AHNAK: variants seen among roughly 807,000 people sequenced by gnomAD.
AHNAK encodes neuroblast differentiation-associated protein AHNAK.
Under a neutral mutation model 37.8 loss-of-function variants are expected in AHNAK, and 23 were observed. That is an observed-to-expected ratio of 0.61 (90% CI 0.44 to 0.86). The LOEUF (loss-of-function observed/expected upper bound fraction) is 0.86, where lower values mean the gene tolerates loss of function less well. Ranked by LOEUF, AHNAK falls within the 40% of genes least tolerant of loss-of-function variation. AHNAK has a pLI of 0.00. For synonymous variants in AHNAK, 2,481 were observed against 2,636.3 expected (o/e 0.94, Z 1.80); for missense variants, 7,411 against 7,319.4 (o/e 1.01, Z -0.46).
At chr11:62,481,103 GGT>G (rs1565208829) in intron 5 of AHNAK, among the ~76,000 whole-genome samples, 1 of 41,822 alleles carries the variant, frequency 2.4e-5, no homozygotes, top group East Asian at 5.7e-4. Flanking sequence ...TTTTTTTTTT[GGT>G]TTTTTTTTTG....
rs1400627922 is a variant in AHNAK, at chr11:62,531,950, C to T, written c.2467G>A (p.Val823Met). The change falls in exon 5 of 5, where the codon GTG becomes ATG. Residue 823 changes from valine to methionine, a missense_variant. By Grantham distance (21) the Val-to-Met change is conservative. Coordinates refer to ENST00000378024, the MANE Select transcript of AHNAK (RefSeq NM_001620.3). ...IKVPKISMPD[V>M]DLHLKGPNVK... ...TTAGGGCCTTTCAGATGTAAGTCCA[C>T]ATCAGGCATGGAGATCTTGGGGACT... is the stretch of plus-strand genomic sequence containing the variant. The T allele has an allele frequency of 2.5e-6, 4 of 1,614,168 alleles. No homozygotes were observed. The highest frequency in any genetic ancestry group is 1.7e-5 in the Admixed American group (1 of 60,016).
chr11:62,479,886 A>G lies in AHNAK; in HGVS notation c.442+11846T>C, dbSNP rs952082842. Reference sequence around the variant, plus strand: ...CAAAGTGGCTTTAGGGAATATTCATATCTTGACTGTTTTTCACTTCAATAA... The same window carrying G: ...CAAAGTGGCTTTAGGGAATATTCATGTCTTGACTGTTTTTCACTTCAATAA... On this transcript the variant is annotated intron_variant, in intron 5 of 5. Coordinates refer to the AHNAK transcript ENST00000257247. Among the ~76,000 whole-genome samples the G allele has an allele frequency of 3.9e-5, 6 of 152,326 alleles. No individual in the cohort carries two copies. The East Asian group carries it at 1.2e-3, about 29-fold the overall frequency.
At position 62,519,295 on chromosome 11, in the gene AHNAK, C is replaced by G. The variant is rs747158085; in HGVS notation, c.15122G>C (p.Gly5041Ala). 1 of 1,614,110 alleles carries G rather than the reference C, an allele frequency of 6.2e-7. No individual in the cohort carries two copies. Among genetic ancestry groups the G allele is most frequent in the South Asian group, 1.1e-5 (1 of 91,078 alleles). ...ACCCCCAGGAACATTCAGGTCAAAT[C>G]CCTGTTTTTTGGCCTTAATCTTAGG... The part of the protein sequence containing the change: ...SGPKIKAKKQ[G>A]FDLNVPGGEI... The change falls in exon 5 of 5, where the codon GGA (glycine) becomes GCA (alanine). Residue 5041 changes from glycine (G) to alanine (A), a missense_variant. By Grantham distance (60) the Gly-to-Ala change is moderately conservative. Coordinates refer to ENST00000378024, the MANE Select transcript of AHNAK (RefSeq NM_001620.3).
In AHNAK at chr11:62,518,024, G is replaced by A. The variant is rs373415392; in HGVS notation, c.16393C>T (p.Leu5465Phe). The A allele has an allele frequency of 4.4e-5, 71 of 1,614,180 alleles. 1 individual carries two copies. In the African/African-American group the frequency reaches 8.9e-4, roughly 20 times the overall value. The change falls in exon 5 of 5, where the codon CTT becomes TTT. Residue 5465 changes from leucine to phenylalanine, a missense_variant. Leu to Phe is a conservative substitution (Grantham distance 22). Transcript: ENST00000378024. Reference sequence around the variant, plus strand: ...CCTTTGATCTCACCAGTGGCCCCAAGGCTCCCTTTCACTTTTGGTCCTTCC... The same window carrying A: ...CCTTTGATCTCACCAGTGGCCCCAAAGCTCCCTTTCACTTTTGGTCCTTCC... ...NLEGPKVKGS[L>F]GATGEIKGPT...
Position 62,523,190 on chromosome 11 carries a change from G to A in AHNAK, c.11227C>T (p.Pro3743Ser). 5 of 1,613,940 alleles carry A rather than the reference G, an allele frequency of 3.1e-6. No individual in the cohort carries two copies. The South Asian group carries it at 4.4e-5, about 14-fold the overall frequency. ...FKIPEMHLKA[P>S]KISMPDIDLN... ...TCAATGTCAGGCATCGATATTTTGG[G>A]AGCCTTCAGGTGCATCTCTGGTATC... Residue 3743 changes from proline to serine, a missense_variant, in exon 5 of 5, where the codon CCC (proline) becomes TCC (serine). Transcript: ENST00000378024.
rs1940169743 is a variant in AHNAK, at chr11:62,519,951, A to G, written c.14466T>C (p.Asp4822=). ...SGPKVDVDIP[D]VNIEGPDAKL... ...TTGCGTCTGGACCTTCGATATTCAC[A>G]TCTGGAATATCAACGTCCACCTTGG... Residue 4822 remains aspartate, a synonymous_variant, in exon 5 of 5, where the codon GAT becomes GAC. Coordinates refer to ENST00000378024, the MANE Select transcript of AHNAK (RefSeq NM_001620.3). 1 of 1,613,222 alleles carries G rather than the reference A, an allele frequency of 6.2e-7. No homozygotes were observed. The highest frequency in any genetic ancestry group is 1.1e-5 in the South Asian group (1 of 91,056).
At position 62,533,872 on chromosome 11, in the gene AHNAK, A is replaced by G. The variant is rs1444470052; in HGVS notation, c.545T>C (p.Ile182Thr). 1.9e-6 allele frequency: 3 copies of G among 1,614,112 alleles called. No individual in the cohort carries two copies. In the South Asian group the frequency reaches 3.3e-5, roughly 18 times the overall value. ...DIDISSPEFK[I>T]KIPRHELTEI... ...AGTCAGTTCATGTCTTGGAATCTTG[A>G]TCTTGAATTCAGGGCTACTGATGTC... The change falls in exon 5 of 5, where the codon ATC becomes ACC. Residue 182 changes from isoleucine to threonine, a missense_variant. Transcript: ENST00000378024.
rs1242482913 is a variant in AHNAK, at chr11:62,533,008, C to G, written c.1409G>C (p.Ser470Thr). The G allele has an allele frequency of 6.2e-6, 10 of 1,614,156 alleles. No individual in the cohort carries two copies. Among genetic ancestry groups the G allele is most frequent in the African/African-American group, 1.3e-5 (1 of 75,048 alleles). Residue 470 changes from serine (S) to threonine (T), a missense_variant, in exon 5 of 5, where the codon AGC becomes ACC. Coordinates refer to ENST00000378024, the MANE Select transcript of AHNAK (RefSeq NM_001620.3). ...VTVPGVSGDV[S>T]LPEIATGGLE... is the part of the protein sequence containing the mutation. ...CCCACCAGTAGCAATCTCAGGCAGG[C>G]TGACATCCCCAGAGACCCCAGGAAC...
Position 62,517,812 on chromosome 11 carries a change from A to T in AHNAK, c.16605T>A (p.His5535Gln). The change falls in exon 5 of 5, where the codon CAT becomes CAA. Residue 5535 changes from histidine (H) to glutamine (Q), a missense_variant. By Grantham distance (24) the His-to-Gln change is conservative. Transcript: ENST00000378024. ...TCACACTGATATCAGGAGCAGCCCC[A>T]TGGAAACCTACTTCTGAACCTTTCA... ...GGLKGSEVGF[H>Q]GAAPDISVKG... 1 of 1,614,204 alleles carries T rather than the reference A, an allele frequency of 6.2e-7. No homozygotes were observed. The highest frequency in any genetic ancestry group is 8.5e-7 in the Non-Finnish European group (1 of 1,180,046).
Position 62,518,422 on chromosome 11 carries a change from C to G in AHNAK, c.15995G>C (p.Ser5332Thr). Residue 5332 changes from serine to threonine, a missense_variant, in exon 5 of 5, where the codon AGT becomes ACT. Coordinates refer to ENST00000378024, the MANE Select transcript of AHNAK (RefSeq NM_001620.3). ...CACCTGCATTTTGCCACCGACACCA[C>G]TGAGGTTGAGCCCTGGAGCATGCAC... ...MKVHAPGLNLSGVGGKMQVGG... is the reference protein window; with the variant it reads ...MKVHAPGLNLTGVGGKMQVGG... The G allele has an allele frequency of 6.2e-7, 1 of 1,614,170 alleles. No homozygotes were observed. Among genetic ancestry groups the G allele is most frequent in the Non-Finnish European group, 8.5e-7 (1 of 1,180,026 alleles).
At chr11:62,542,990 C>T (rs1941182773) in intron 1 of AHNAK, among the ~76,000 whole-genome samples, 1 of 152,168 alleles carries the variant, frequency 6.6e-6, no homozygotes, top group South Asian at 2.1e-4. Flanking sequence ...CGCTCCGGCT[C>T]TGTCGCTGAA....
In AHNAK at chr11:62,516,682, C is replaced by T. The variant is rs1243809580; in HGVS notation, c.*62G>A. 2 of 1,522,488 alleles carry T rather than the reference C, an allele frequency of 1.3e-6. No homozygotes were observed. Among genetic ancestry groups the T allele is most frequent in the Non-Finnish European group, 1.8e-6 (2 of 1,140,594 alleles). The allele number at this position is 1,522,488 out of a possible 1,614,324, so 94.3% of individuals were successfully genotyped here. ...TTTCCCTTTGGAGTTTATATAGGAA[C>T]ACACCACCCAAGGCTGATGTTTTGT... On this transcript the variant is annotated 3_prime_UTR_variant, in exon 5 of 5. Transcript: ENST00000378024.
chr11:62,509,130 A>G (rs2134181295), intron 4 of AHNAK, among the ~76,000 whole-genome samples: 1 of 152,284 alleles, frequency 6.6e-6, no homozygotes, highest in African/African-American at 2.4e-5. Context: ...TCCTGCCCCA[A>G]AATGTATAAC....
intron 5 of AHNAK, among the ~76,000 whole-genome samples, chr11:62,460,022 G>A (rs935600974): frequency 6.6e-6 from 1 of 152,000 alleles, no homozygotes; most frequent in African/African-American, 2.4e-5. Flanking sequence ...GGAGGCTGAG[G>A]CAGGAGAATC....
In AHNAK at chr11:62,520,476, G is replaced by C; in HGVS notation, c.13941C>G (p.Asp4647Glu). 1.2e-6 allele frequency: 2 copies of C among 1,614,134 alleles called. No individual in the cohort carries two copies. Among genetic ancestry groups the C allele is most frequent in the Non-Finnish European group, 1.7e-6 (2 of 1,180,028 alleles). The stretch of plus-strand genomic sequence containing the variant: ...TCACTTTGGGCATTTTTAGGTGCCA[G>C]TCTGGGCCTTGAACGTCCACATCTG... ...DVPDVDVQGPDWHLKMPKVKM... is the reference protein window; with the variant it reads ...DVPDVDVQGPEWHLKMPKVKM... The change falls in exon 5 of 5, where the codon GAC becomes GAG. Residue 4647 changes from aspartate to glutamate, a missense_variant. Transcript: ENST00000378024.
In AHNAK at chr11:62,531,637, C is replaced by T; in HGVS notation, c.2780G>A (p.Gly927Glu). The T allele has an allele frequency of 6.2e-7, 1 of 1,613,310 alleles. No individual in the cohort carries two copies. The highest frequency in any genetic ancestry group is 8.5e-7 in the Non-Finnish European group (1 of 1,179,834). ...CTTGAACTTGGGGCCCTTCAGCTTT[C>T]CTTCAGGTCCTTCAATATTCACATC... ...VPDVNIEGPE[G>E]KLKGPKFKMP... Residue 927 changes from glycine to glutamate, a missense_variant, in exon 5 of 5, where the codon GGA becomes GAA. Physicochemically the swap from Gly to Glu is moderately conservative, Grantham distance 98 (BLOSUM62 -2). Transcript: ENST00000378024.
intron 5 of AHNAK, among the ~76,000 whole-genome samples, chr11:62,476,753 A>G (rs1939155058): frequency 1.3e-5 from 2 of 152,166 alleles, no homozygotes; most frequent in African/African-American, 4.8e-5. Context: ...ACAACTGTCG[A>G]TGACCGGTGG....
At position 62,521,081 on chromosome 11, in the gene AHNAK, T is replaced by C; in HGVS notation, c.13336A>G (p.Lys4446Glu). 1 of 1,614,054 alleles carries C rather than the reference T, an allele frequency of 6.2e-7. No individual in the cohort carries two copies. Among genetic ancestry groups the C allele is most frequent in the Non-Finnish European group, 8.5e-7 (1 of 1,180,000 alleles). Residue 4446 changes from lysine (K) to glutamate (E), a missense_variant, in exon 5 of 5, where the codon AAA becomes GAA. Physicochemically the swap from Lys to Glu is moderately conservative, Grantham distance 56. Coordinates refer to ENST00000378024, the MANE Select transcript of AHNAK (RefSeq NM_001620.3). ...ATGTTCATCTCAGGCATCTTAAATTTGGGCCCCTTCAATTTTCCTTCCGGA... is the reference window on the plus strand; with the variant it reads ...ATGTTCATCTCAGGCATCTTAAATTCGGGCCCCTTCAATTTTCCTTCCGGA... Reference protein sequence around the residue: ...EGPEGKLKGPKFKMPEMNIKA... With the variant: ...EGPEGKLKGPEFKMPEMNIKA...
Position 62,519,107 on chromosome 11 carries a change from C to G in AHNAK, c.15310G>C (p.Ala5104Pro), listed in dbSNP as rs142401818. 4.1e-5 allele frequency: 66 copies of G among 1,613,582 alleles called. No individual in the cohort carries two copies. The highest frequency in any genetic ancestry group is 5.5e-5 in the Non-Finnish European group (65 of 1,179,880). Residue 5104 changes from alanine (A) to proline (P), a missense_variant, in exon 5 of 5, where the codon GCT becomes CCT. Physicochemically the swap from Ala to Pro is conservative, Grantham distance 27. Transcript: ENST00000378024. The stretch of plus-strand genomic sequence containing the variant: ...TTGGGGCTAGGGAGAGGGGCCTCAG[C>G]TTTAAATTTAGGTGATTTAATGTCA... Reference protein sequence around the residue: ...EFDIKSPKFKAEAPLPSPKLE... With the variant: ...EFDIKSPKFKPEAPLPSPKLE...
Sources: gnomAD v4.1 joint callset for allele counts (sites outside exome capture counted in the v4.1 genomes callset) on GRCh38, gnomAD v4.1.1 for gene constraint, MANE v1.5 for transcripts, NCBI Gene and HGNC (gene_info 2026-07-23, HGNC 2026-07-21) for gene names.